Variants in USP24 observed in about 807,000 individuals in gnomAD.
USP24 encodes the protein ubiquitin carboxyl-terminal hydrolase 24.
USP24 carries 97 observed loss-of-function variants against 361.6 expected under a neutral mutation model. That is an observed-to-expected ratio of 0.27 (90% CI 0.23 to 0.32). USP24 has a LOEUF of 0.32. Among genes scored for constraint, USP24 ranks in the 10% least tolerant of loss-of-function variants. The pLI, the probability that USP24 is intolerant of heterozygous loss-of-function variation, is 1.00. For synonymous variants in USP24, 1,098 were observed against 1,124.6 expected (o/e 0.98, Z 0.47); for missense variants, 2,353 against 3,165.6 (o/e 0.74, Z 6.16).
intron 56 of USP24, among the ~76,000 whole-genome samples, chr1:55,085,416 A>G (rs1478674071): frequency 1.3e-5 from 2 of 152,210 alleles, no homozygotes; most frequent in African/African-American, 4.8e-5. Context: ...TGAAAATAAC[A>G]TTTTTCAAAG....
chr1:55,081,454 A>G, intron 58 of USP24, 30 bp from the exon 59 acceptor site: 17 of 1,593,386 alleles, frequency 1.1e-5, no homozygotes, highest in Non-Finnish European at 1.5e-5. Context: ...AGTGGCTGTT[A>G]GTGTTGTCGT....
At position 55,208,009 on chromosome 1, in the gene USP24, C is replaced by T. The variant is rs551846233; in HGVS notation, c.324+6781G>A. ...TCAGCCCTTTAAAAGATTCCAAAGA[C>T]TGCTGTATCATGGCTGAAGCATTTT... On this transcript the variant is annotated intron_variant, in intron 1 of 67. Transcript: ENST00000294383. Among the ~76,000 whole-genome samples the T allele has an allele frequency of 2.0e-5, 3 of 152,298 alleles. No individual in the cohort carries two copies. The South Asian group carries it at 6.2e-4, about 32-fold the overall frequency.
chr1:55,083,867 G>A lies in USP24; in HGVS notation c.6787C>T (p.Leu2263=), dbSNP rs748362836. 2 of 1,600,524 alleles carry A rather than the reference G, an allele frequency of 1.2e-6. No individual in the cohort carries two copies. The highest frequency in any genetic ancestry group is 1.7e-6 in the Non-Finnish European group (2 of 1,173,196). ...QDKLKSLHQL[L]EVLLALLDKD... The stretch of plus-strand genomic sequence containing the variant: ...TCCAACAGAGCAAGTAGTACCTCCA[G>A]TAACTGATGAAGGCTTTTTAACTGG... The change falls in exon 57 of 68, where the codon CTG becomes TTG. Residue 2263 remains leucine, a synonymous_variant. Transcript: ENST00000294383.
At position 55,098,464 on chromosome 1, in the gene USP24, A is replaced by G. The variant is rs537958866; in HGVS notation, c.5453+12T>C. ...TGATCATTTTTCCTGTGTCGGTGAT[A>G]TCTTCACTCACCTGTGAGGACAGTC... On this transcript the variant is annotated intron_variant, in intron 46 of 67. Transcript: ENST00000294383. 1 of 1,601,220 alleles carries G rather than the reference A, an allele frequency of 6.2e-7. No homozygotes were observed. The highest frequency in any genetic ancestry group is 8.5e-7 in the Non-Finnish European group (1 of 1,169,772).
rs761398459 is a variant in USP24, at chr1:55,139,019, T to TA, written c.2751-10dup. ...TTACAAGTTTAGTAGATCTATAGATTAAAAAAAAAAAGTATTAAAATGTAT... is the reference window on the plus strand; with the variant it reads ...TTACAAGTTTAGTAGATCTATAGATTAAAAAAAAAAAAGTATTAAAATGTAT... On this transcript the variant is annotated splice_polypyrimidine_tract_variant and intron_variant, in intron 24 of 67. Coordinates refer to ENST00000294383, the MANE Select transcript of USP24 (RefSeq NM_015306.3). 6,714 of 1,280,394 alleles carry TA rather than the reference T, an allele frequency of 5.2e-3. No homozygotes were observed. The highest frequency in any genetic ancestry group is 5.7e-3 in the Non-Finnish European group (5,393 of 940,462). The allele number at this position is 1,280,394 out of a possible 1,614,324, so 79.3% of individuals were successfully genotyped here.
chr1:55,097,877 TAAAAC>T (rs1306921869), intron 47 of USP24, 61 bp downstream of exon 47: 12 of 1,537,346 alleles, frequency 7.8e-6, no homozygotes, highest in Non-Finnish European at 9.6e-6. Flanking sequence ...TGATTTTACA[TAAAAC>T]AAAGACGCAC....
chr1:55,103,859 A>G lies in USP24; in HGVS notation c.5025+17T>C. The stretch of plus-strand genomic sequence containing the variant: ...CATTCTAAAAAAATTAAGTTCATCA[A>G]CGTCTAGAAAACCTACATCAAACTC... On this transcript the variant is annotated intron_variant, in intron 42 of 67. Coordinates refer to ENST00000294383, the MANE Select transcript of USP24 (RefSeq NM_015306.3). 1 of 1,600,776 alleles carries G rather than the reference A, an allele frequency of 6.2e-7. No homozygotes were observed. Among genetic ancestry groups the G allele is most frequent in the African/African-American group, 1.3e-5 (1 of 74,224 alleles).
In USP24 at chr1:55,097,071, G is replaced by A. The variant is rs375251217; in HGVS notation, c.5817C>T (p.Gly1939=). ...CCTTTTTTCGTGGGGATCCTCCACC[G>A]CCCTGATCCACACTTCGCCCATTTT... ...VGENGRSVDQ[G]GGGSPRKKVA... Residue 1939 remains glycine, a synonymous_variant, in exon 49 of 68, where the codon GGC becomes GGT. Transcript: ENST00000294383. 1.1e-5 allele frequency: 18 copies of A among 1,613,550 alleles called. No homozygotes were observed. The highest frequency in any genetic ancestry group is 9.4e-5 in the African/African-American group (7 of 74,800).
rs1268274112 is a variant in USP24 at position 55,165,873 on chromosome 1, A to AGTTT, written c.927+8_927+11dup. 2 of 1,586,384 alleles carry AGTTT rather than the reference A, an allele frequency of 1.3e-6. No homozygotes were observed. Among genetic ancestry groups the AGTTT allele is most frequent in the Admixed American group, 3.4e-5 (2 of 58,538 alleles). The stretch of plus-strand genomic sequence containing the variant: ...AATTTCCACAGTGAGCATATACAGT[A>AGTTT]GTTTAACTTACCCCAAGTTCTATAT... On this transcript the variant is annotated intron_variant, in intron 7 of 67. Transcript: ENST00000294383.
At chr1:55,184,329 T>G (rs1470112573) in intron 1 of USP24, among the ~76,000 whole-genome samples, 2 of 152,300 alleles carry the variant, frequency 1.3e-5, no homozygotes, top group Non-Finnish European at 2.9e-5. Context: ...AGTGCTGGAA[T>G]TATAGGCACG....
At chr1:55,141,492 C>G (rs1646888378) in intron 24 of USP24, 124 bp downstream of exon 24, 1 of 868,438 alleles carries the variant, frequency 1.2e-6, no homozygotes, top group Admixed American at 2.3e-5. Context: ...AGGATTATGA[C>G]AGCTTGCAAA....
At chr1:55,104,805 T>C (rs1012421698) in intron 41 of USP24, among the ~76,000 whole-genome samples, 2 of 152,224 alleles carry the variant, frequency 1.3e-5, no homozygotes, top group African/African-American at 2.4e-5. Flanking sequence ...GAGCTGGCAC[T>C]GTCCTTTGCT....
intron 41 of USP24, among the ~76,000 whole-genome samples, chr1:55,104,490 CA>C (rs1274205960): frequency 6.6e-6 from 1 of 152,154 alleles, no homozygotes; most frequent in Non-Finnish European, 1.5e-5. Flanking sequence ...GACAAAAATA[CA>C]GTTTGTCAAA....
rs1243195118 is a variant in USP24 at position 55,214,894 on chromosome 1, C to T, written c.220G>A (p.Gly74Ser). The change falls in exon 1 of 68, where the codon GGC becomes AGC. Residue 74 changes from glycine (G) to serine (S), a missense_variant. Gly to Ser is a moderately conservative substitution (Grantham distance 56, BLOSUM62 0). Transcript: ENST00000294383. ...CCGCCGCCGCCGCCGTCACCTCCGC[C>T]GTCGCCCCGCGGGCCCCCGCCGGGC... ...PGPGGGPRGD[G>S]GGDGGGGGPS... 2.4e-6 allele frequency: 3 copies of T among 1,262,520 alleles called. No individual in the cohort carries two copies. Among genetic ancestry groups the T allele is most frequent in the Middle Eastern group, 2.7e-4 (1 of 3,646 alleles). The allele number at this position is 1,262,520 out of a possible 1,614,324, so 78.2% of individuals were successfully genotyped here. A position where few individuals can be genotyped will look rare whatever the true frequency, so the allele number is the denominator to read the frequency against.
At position 55,125,682 on chromosome 1, in the gene USP24, T is replaced by G; in HGVS notation, c.3712A>C (p.Ile1238Leu). The G allele has an allele frequency of 6.3e-7, 1 of 1,595,768 alleles. No individual in the cohort carries two copies. The highest frequency in any genetic ancestry group is 8.5e-7 in the Non-Finnish European group (1 of 1,170,222). Reference protein sequence around the residue: ...DYETRQGVYSICLQLARFLLV... With the variant: ...DYETRQGVYSLCLQLARFLLV... ...ACATACCTTGCAAGCTGTAGACAGATGGAATAAACACCCTGCCTTGTTTCA... is the reference window on the plus strand; with the variant it reads ...ACATACCTTGCAAGCTGTAGACAGAGGGAATAAACACCCTGCCTTGTTTCA... The change falls in exon 33 of 68, where the codon ATC becomes CTC. Residue 1238 changes from isoleucine to leucine, a missense_variant. Ile to Leu is a conservative substitution (Grantham distance 5). Coordinates refer to ENST00000294383, the MANE Select transcript of USP24 (RefSeq NM_015306.3).
At chr1:55,123,053 C>T (rs1466641420) in intron 36 of USP24, among the ~76,000 whole-genome samples, 1 of 152,118 alleles carries the variant, frequency 6.6e-6, no homozygotes. Flanking sequence ...CCCCGTTCAC[C>T]AAAGCCAACA....
At chr1:55,131,235 T>C (rs1646582373) in intron 31 of USP24, among the ~76,000 whole-genome samples, 1 of 152,212 alleles carries the variant, frequency 6.6e-6, no homozygotes, top group South Asian at 2.1e-4. Context: ...ATTTTATTTT[T>C]TGACATCTGT....
intron 41 of USP24, among the ~76,000 whole-genome samples, chr1:55,104,793 T>C (rs1645728298): frequency 6.6e-6 from 1 of 152,174 alleles, no homozygotes; most frequent in Non-Finnish European, 1.5e-5. Context: ...ACAATGGCCA[T>C]GGAGCTGGCA....
intron 66 of USP24, among the ~76,000 whole-genome samples, 177 bp downstream of exon 66, chr1:55,072,140 C>G (rs751992767): frequency 6.6e-6 from 1 of 152,090 alleles, no homozygotes; most frequent in Admixed American, 6.5e-5. Context: ...ATAATCTGCA[C>G]AAATTTGTGT....
Sources: allele counts gnomAD v4.1 joint callset (sites outside exome capture counted in the v4.1 genomes callset), GRCh38; gene constraint gnomAD v4.1.1; transcripts MANE v1.5; gene names NCBI Gene and HGNC (gene_info 2026-07-23, HGNC 2026-07-21).